PDZRN4: variants seen among roughly 807,000 people sequenced by gnomAD.
PDZRN4 encodes PDZ domain containing ring finger 4, also known as PDZ domain-containing RING finger protein 4.
A neutral mutation model predicts 99.0 loss-of-function variants in PDZRN4; 70 were observed. The ratio of observed to expected loss-of-function variants is 0.71; its 90% CI spans 0.58 to 0.86. PDZRN4 has a LOEUF of 0.86. Among genes scored for constraint, PDZRN4 ranks in the 40% least tolerant of loss-of-function variants. PDZRN4 has a pLI of 0.00. For synonymous variants in PDZRN4, 551 were observed against 501.6 expected (o/e 1.10, Z -1.32); for missense variants, 1,474 against 1,331.2 (o/e 1.11, Z -1.67).
chr12:41,229,704 T>TGCTG (rs1299953529), intron 3 of PDZRN4, among the ~76,000 whole-genome samples: 1 of 152,070 alleles, frequency 6.6e-6, no homozygotes, highest in African/African-American at 2.4e-5. Flanking sequence ...ACCCTTCTTG[T>TGCTG]GCTGGCCTTC....
At position 41,429,481 on chromosome 12, in the gene PDZRN4, G is replaced by T. The variant is rs79746009; in HGVS notation, c.844-76975G>T. Among the ~76,000 whole-genome samples the T allele has an allele frequency of 1.8e-3, 269 of 152,232 alleles. 2 individuals carry two copies. The highest frequency in any genetic ancestry group is 6.2e-3 in the African/African-American group (256 of 41,530). On this transcript the variant is annotated intron_variant, in intron 3 of 9. Coordinates refer to ENST00000402685, the MANE Select transcript of PDZRN4 (RefSeq NM_001164595.2). The stretch of plus-strand genomic sequence containing the variant: ...ATTTTAGACTACGATTCCAGTCCTT[G>T]GGGAAATCCTTACATCTCAGTGTGC...
chr12:41,573,634 G>T lies in PDZRN4; in HGVS notation c.2855G>T (p.Arg952Met), dbSNP rs769435330. Residue 952 changes from arginine (R) to methionine (M), a missense_variant, in exon 10 of 10, where the codon AGG (arginine) becomes ATG (methionine). Arg to Met is a moderately conservative substitution (Grantham distance 91, BLOSUM62 -1). Transcript: ENST00000402685. ...GAGGAGAGAAAGCAGCACCTGGTTAGGGCCAAAGAGCAGCGCCGTCGCCGT... is the reference window on the plus strand; with the variant it reads ...GAGGAGAGAAAGCAGCACCTGGTTATGGCCAAAGAGCAGCGCCGTCGCCGT... Reference protein sequence around the residue: ...SKEERKQHLVRAKEQRRRREF... With the variant: ...SKEERKQHLVMAKEQRRRREF... The T allele has an allele frequency of 3.1e-6, 5 of 1,614,082 alleles. No individual in the cohort carries two copies. In the South Asian group the frequency reaches 3.3e-5, roughly 11 times the overall value.
chr12:41,498,256 G>A (rs967368059), intron 3 of PDZRN4, among the ~76,000 whole-genome samples: 26 of 151,992 alleles, frequency 1.7e-4, no homozygotes. Context: ...GGACATTCCT[G>A]CTCAAAATAC....
intron 3 of PDZRN4, among the ~76,000 whole-genome samples, chr12:41,225,664 A>G (rs183515135): frequency 7.6e-4 from 116 of 152,250 alleles, no homozygotes; most frequent in African/African-American, 2.7e-3. Flanking sequence ...AAGTGGTAAG[A>G]TGTTAAGAGA....
chr12:41,384,569 C>G, intron 3 of PDZRN4, among the ~76,000 whole-genome samples: 1 of 152,268 alleles, frequency 6.6e-6, no homozygotes, highest in East Asian at 1.9e-4. Context: ...GTCCTCCGCT[C>G]TTGGAATGGG....
At chr12:41,498,535 G>A (rs1938052406) in intron 3 of PDZRN4, among the ~76,000 whole-genome samples, 1 of 152,152 alleles carries the variant, frequency 6.6e-6, no homozygotes, top group East Asian at 1.9e-4. Flanking sequence ...TTGGGAAGGA[G>A]AGTAAACACA....
chr12:41,407,126 T>C lies in PDZRN4; in HGVS notation c.844-99330T>C, dbSNP rs1952356141. 2.6e-5 allele frequency among the ~76,000 whole-genome samples: 4 copies of C among 152,200 alleles called. 1 individual carries two copies. In the South Asian group the frequency reaches 8.3e-4, roughly 31 times the overall value. On this transcript the variant is annotated intron_variant, in intron 3 of 9. Coordinates refer to ENST00000402685, the MANE Select transcript of PDZRN4 (RefSeq NM_001164595.2). ...CTCAGAACTATTCATTTATTTTCTG[T>C]GAATTAACACTGCCTTTATTAATAG...
chr12:41,285,108 C>T (rs543600252), intron 3 of PDZRN4, among the ~76,000 whole-genome samples: 65 of 152,170 alleles, frequency 4.3e-4, no homozygotes, highest in African/African-American at 1.3e-3. Context: ...ATCTATCCAT[C>T]TGACAAAGGG....
chr12:41,397,221 T>A (rs1952253702), intron 3 of PDZRN4, among the ~76,000 whole-genome samples: 1 of 152,148 alleles, frequency 6.6e-6, no homozygotes, highest in African/African-American at 2.4e-5. Context: ...AATAAAACAC[T>A]AATAAAATAC....
At chr12:41,562,069 T>C (rs1377106510) in intron 7 of PDZRN4, among the ~76,000 whole-genome samples, 1 of 152,106 alleles carries the variant, frequency 6.6e-6, no homozygotes, top group Non-Finnish European at 1.5e-5. Context: ...TGTTTCCTAA[T>C]TGGATGAATT....
chr12:41,242,434 G>A (rs1187040165), intron 3 of PDZRN4, among the ~76,000 whole-genome samples: 3 of 152,152 alleles, frequency 2.0e-5, no homozygotes, highest in Non-Finnish European at 4.4e-5. Flanking sequence ...ATCCATAAAT[G>A]TTATATATTG....
intron 3 of PDZRN4, among the ~76,000 whole-genome samples, chr12:41,238,607 A>T (rs1951082925): frequency 6.6e-6 from 1 of 152,144 alleles, no homozygotes; most frequent in Non-Finnish European, 1.5e-5. Context: ...ACACGCAGCC[A>T]AAAAGCACAA....
At chr12:41,418,361 A>C (rs1357121647) in intron 3 of PDZRN4, among the ~76,000 whole-genome samples, 2 of 152,218 alleles carry the variant, frequency 1.3e-5, no homozygotes, top group Non-Finnish European at 2.9e-5. Flanking sequence ...AACTGGAAGA[A>C]ATGTATTGTG....
At chr12:41,376,521 T>A (rs113515362) in intron 3 of PDZRN4, among the ~76,000 whole-genome samples, 1,629 of 152,276 alleles carry the variant, frequency 0.011, 30 homozygotes, top group African/African-American at 0.037. Context: ...GCCATCCATA[T>A]GTCTTCTTTG....
chr12:41,346,872 G>T (rs1040066927), intron 3 of PDZRN4, among the ~76,000 whole-genome samples: 8 of 152,052 alleles, frequency 5.3e-5, no homozygotes, highest in African/African-American at 1.7e-4. Flanking sequence ...TGCCTATTCT[G>T]GGCATTTCAT....
intron 3 of PDZRN4, among the ~76,000 whole-genome samples, chr12:41,300,998 A>G (rs1052022251): frequency 1.3e-5 from 2 of 152,042 alleles, no homozygotes; most frequent in Non-Finnish European, 2.9e-5. Flanking sequence ...GTACTGGATT[A>G]TCTATAAGGG....
intron 9 of PDZRN4, among the ~76,000 whole-genome samples, chr12:41,568,328 T>C (rs1027972428): frequency 6.6e-6 from 1 of 152,222 alleles, no homozygotes; most frequent in Non-Finnish European, 1.5e-5. Context: ...GAAGATGACA[T>C]GATGTAAGCC....
chr12:41,498,831 A>C (rs2120652152), intron 3 of PDZRN4, among the ~76,000 whole-genome samples: 2 of 152,258 alleles, frequency 1.3e-5, no homozygotes, highest in East Asian at 3.9e-4. Context: ...AATTTGCTAA[A>C]TCTGACAAAC....
At chr12:41,200,786 G>A (rs1950810053) in intron 3 of PDZRN4, among the ~76,000 whole-genome samples, 1 of 151,966 alleles carries the variant, frequency 6.6e-6, no homozygotes. Context: ...TGGGCACCTG[G>A]CAACTCCTTT....
Sources: allele counts gnomAD v4.1 joint callset (sites outside exome capture counted in the v4.1 genomes callset), GRCh38; gene constraint gnomAD v4.1.1; transcripts MANE v1.5; gene names NCBI Gene and HGNC (gene_info 2026-07-23, HGNC 2026-07-21).